Variants in NCBP3 observed in about 807,000 individuals in gnomAD.
NCBP3 encodes the protein nuclear cap-binding protein subunit 3.
NCBP3 carries 20 observed loss-of-function variants against 75.7 expected under a neutral mutation model. That is an observed-to-expected ratio of 0.26 (90% confidence interval 0.19 to 0.38). NCBP3 has a LOEUF of 0.38. Ranked by LOEUF, NCBP3 falls within the 10% of genes least tolerant of loss-of-function variation. NCBP3 has a pLI of 1.00. For synonymous variants in NCBP3, 293 were observed against 290.5 expected, an observed-to-expected ratio of 1.01 and a Z score of -0.09; for missense variants, 678 against 796.9, an observed-to-expected ratio of 0.85 and a Z score of 1.80.
rs1053447541 is a variant in NCBP3 at position 3,803,811 on chromosome 17, C to A, written c.*9233G>T. ...GGCAGGTGGGCCAGGCGCGGTGGCT[C>A]ACGCCTGTAATCCCAGCACTTTGGG... On this transcript the variant is annotated 3_prime_UTR_variant, in exon 13 of 13. Transcript: ENST00000389005. The A allele has an allele frequency of 1.3e-5, 2 of 152,112 alleles. No homozygotes were observed. The highest frequency in any genetic ancestry group is 2.9e-5 in the Non-Finnish European group (2 of 68,014). 9.4% of individuals were successfully genotyped at this position (152,112 alleles called of 1,614,324 possible).
At position 3,846,229 on chromosome 17, in the gene NCBP3, C is replaced by T. The variant is rs1271403103; in HGVS notation, c.-6G>A. ...AGGCCCCGTACGGCCGCCATCGCTG[C>T]CTGCCGGCCGCACCACTGAGAGCCC... On this transcript the variant is annotated 5_prime_UTR_variant, in exon 1 of 13. Transcript: ENST00000389005. The surrounding 1 kb of genome is among the most constrained non-coding windows in gnomAD (Gnocchi z 4.6). 2.1e-6 allele frequency: 3 copies of T among 1,422,640 alleles called. No homozygotes were observed. Among genetic ancestry groups the T allele is most frequent in the East Asian group, 2.9e-5 (1 of 33,964 alleles). 88.1% of individuals were successfully genotyped at this position (1,422,640 alleles called of 1,614,324 possible). A position where few individuals can be genotyped will look rare whatever the true frequency, so the allele number is the denominator to read the frequency against.
At position 3,819,746 on chromosome 17, in the gene NCBP3, A is replaced by G. The variant is rs546789835; in HGVS notation, c.1001-1174T>C. ...ATACAATAAACGAAAGAAGTAGAATATAAAGTACATGTTCCCAAGAGTTAT... is the reference window on the plus strand; with the variant it reads ...ATACAATAAACGAAAGAAGTAGAATGTAAAGTACATGTTCCCAAGAGTTAT... On this transcript the variant is annotated intron_variant, in intron 9 of 12. Transcript: ENST00000389005. Among the ~76,000 whole-genome samples, 7 of 152,326 alleles carry G rather than the reference A, an allele frequency of 4.6e-5. No homozygotes were observed. The South Asian group carries it at 1.0e-3, about 23-fold the overall frequency.
chr17:3,809,702 G>C lies in NCBP3; in HGVS notation c.*3342C>G, dbSNP rs942264363. ...GCCTGCACAACAAGAGCGAAACTGT[G>C]TCTCAAAAATAAATAATAGAAATAG... On this transcript the variant is annotated 3_prime_UTR_variant, in exon 13 of 13. Coordinates refer to ENST00000389005, the MANE Select transcript of NCBP3 (RefSeq NM_001114118.3). 1 of 152,026 alleles carries C rather than the reference G, an allele frequency of 6.6e-6. No individual in the cohort carries two copies. The highest frequency in any genetic ancestry group is 2.4e-5 in the African/African-American group (1 of 41,360). 9.4% of individuals were successfully genotyped at this position (152,026 alleles called of 1,614,324 possible).
chr17:3,829,161 A>G (rs912185802), intron 4 of NCBP3, 82 bp downstream of exon 4: 6 of 1,468,394 alleles, frequency 4.1e-6, no homozygotes, highest in Admixed American at 4.1e-5. Flanking sequence ...TATGGGCCAG[A>G]ACCATTCACC....
intron 10 of NCBP3, among the ~76,000 whole-genome samples, chr17:3,817,537 G>A (rs575896893): frequency 6.6e-6 from 1 of 152,144 alleles, no homozygotes; most frequent in East Asian, 1.9e-4. Context: ...GCTGAGGCAG[G>A]AGAATGGCGT....
chr17:3,814,602 A>G, intron 11 of NCBP3, 119 bp from the exon 12 acceptor site: 1 of 958,562 alleles, frequency 1.0e-6, no homozygotes, highest in Non-Finnish European at 1.5e-6. Context: ...AGGGCCTGAC[A>G]ATCAGGCTGC....
At chr17:3,820,643 T>C (rs779223814) in intron 9 of NCBP3, among the ~76,000 whole-genome samples, 4 of 152,170 alleles carry the variant, frequency 2.6e-5, no homozygotes, top group Admixed American at 6.5e-5. Context: ...ATTTCAAAAA[T>C]TGTTTTTGGC....
rs185752247 is a variant in NCBP3, at chr17:3,834,681, G to A, written c.356-5313C>T. Among the ~76,000 whole-genome samples, 684 of 152,214 alleles carry A rather than the reference G, an allele frequency of 4.5e-3. 3 individuals are homozygous for A. Among genetic ancestry groups the A allele is most frequent in the South Asian group, 9.3e-3 (45 of 4,814 alleles). ...TCCCAGTACTTTGGGAAGCTAAGGC[G>A]GGAGGATCACTTGAATCCAGAAGTT... On this transcript the variant is annotated intron_variant, in intron 3 of 12. Transcript: ENST00000389005.
Position 3,813,107 on chromosome 17 carries a change from G to A in NCBP3, c.1800C>T (p.Asn600=), listed in dbSNP as rs1327172930. Residue 600 remains asparagine (N), a synonymous_variant, in exon 13 of 13, where the codon AAC becomes AAT. Coordinates refer to ENST00000389005, the MANE Select transcript of NCBP3 (RefSeq NM_001114118.3). ...QSRQKKSRLD[N]LPSLQIEVSR... ...TAACTTCAATCTGGAGAGATGGTAAGTTATCTAACCGGCTCTTCTTTTGGC... is the reference window on the plus strand; with the variant it reads ...TAACTTCAATCTGGAGAGATGGTAAATTATCTAACCGGCTCTTCTTTTGGC... 1.2e-6 allele frequency: 2 copies of A among 1,614,256 alleles called. No individual in the cohort carries two copies. The highest frequency in any genetic ancestry group is 2.2e-5 in the East Asian group (1 of 44,892).
In NCBP3 at chr17:3,812,489, T is replaced by C; in HGVS notation, c.*555A>G. On this transcript the variant is annotated 3_prime_UTR_variant, in exon 13 of 13. Transcript: ENST00000389005. ...AGCACAGTCAATGCTGCAGCTCTTA[T>C]CTACCTGGGCGGCACTGGTGCACCT... is the stretch of plus-strand genomic sequence containing the variant. The C allele has an allele frequency of 1.0e-6, 1 of 990,048 alleles. No homozygotes were observed. Among genetic ancestry groups the C allele is most frequent in the Non-Finnish European group, 1.2e-6 (1 of 832,564 alleles). 61.3% of individuals were successfully genotyped at this position (990,048 alleles called of 1,614,324 possible). A position where few individuals can be genotyped will look rare whatever the true frequency, so the allele number is the denominator to read the frequency against.
At position 3,805,697 on chromosome 17, in the gene NCBP3, CTT is replaced by C. The variant is rs1183928502; in HGVS notation, c.*7345_*7346del. 1.3e-5 allele frequency: 2 copies of C among 152,408 alleles called. No homozygotes were observed. The highest frequency in any genetic ancestry group is 1.9e-4 in the East Asian group (1 of 5,188). The allele number at this position is 152,408 out of a possible 1,614,324, so 9.4% of individuals were successfully genotyped here. Reference sequence around the variant, plus strand: ...ACCAAGGGTCCAGGGGCTTGGATCTCTTGTTTACAAACCCCTACTTCTTTCCT... The same window carrying C: ...ACCAAGGGTCCAGGGGCTTGGATCTCGTTTACAAACCCCTACTTCTTTCCT... On this transcript the variant is annotated 3_prime_UTR_variant, in exon 13 of 13. Coordinates refer to ENST00000389005, the MANE Select transcript of NCBP3 (RefSeq NM_001114118.3).
At chr17:3,825,423 AT>A (rs2053766559) in intron 6 of NCBP3, among the ~76,000 whole-genome samples, 1 of 152,206 alleles carries the variant, frequency 6.6e-6, no homozygotes, top group Admixed American at 6.5e-5. Context: ...CTCAGTAAAT[AT>A]TTTTTAAATG....
At chr17:3,827,778 G>A (rs1406311427) in intron 4 of NCBP3, among the ~76,000 whole-genome samples, 1 of 152,146 alleles carries the variant, frequency 6.6e-6, no homozygotes, top group Non-Finnish European at 1.5e-5. Flanking sequence ...CAGTTTTAAT[G>A]ACTTAAATCA....
At chr17:3,815,442 G>C (rs141061916) in intron 11 of NCBP3, among the ~76,000 whole-genome samples, 2 of 152,140 alleles carry the variant, frequency 1.3e-5, no homozygotes, top group African/African-American at 4.8e-5. Flanking sequence ...TAGCAGGTAC[G>C]GCTAAAGACC....
intron 7 of NCBP3, chr17:3,824,483 A>G (rs567552486): frequency 6.4e-6 from 1 of 155,430 alleles, no homozygotes; most frequent in South Asian, 2.0e-4. Context: ...ACATACATAT[A>G]CATATATACA....
chr17:3,845,038 G>C (rs540375629), intron 1 of NCBP3, among the ~76,000 whole-genome samples: 1 of 152,336 alleles, frequency 6.6e-6, no homozygotes, highest in African/African-American at 2.4e-5. Context: ...TTGTTTTTGA[G>C]ATGGGGAGAG....
chr17:3,841,332 G>A (rs2054059421), intron 2 of NCBP3, among the ~76,000 whole-genome samples: 1 of 152,266 alleles, frequency 6.6e-6, no homozygotes, highest in South Asian at 2.1e-4. Flanking sequence ...ACTACAGAGA[G>A]CTTGTGGGGA....
rs1445618030 is a variant in NCBP3 at position 3,812,888 on chromosome 17, ATTC to A, written c.*153_*155del. 2.8e-6 allele frequency: 4 copies of A among 1,447,118 alleles called. No individual in the cohort carries two copies. Among genetic ancestry groups the A allele is most frequent in the Non-Finnish European group, 3.6e-6 (4 of 1,103,888 alleles). The allele number at this position is 1,447,118 out of a possible 1,614,324, so 89.6% of individuals were successfully genotyped here. On this transcript the variant is annotated 3_prime_UTR_variant, in exon 13 of 13. Transcript: ENST00000389005. Reference sequence around the variant, plus strand: ...AGAGATGCCCTTGAAAATGTGTCACATTCTTAAGATGTCTTGCCGAAGTAGCAA... The same window carrying A: ...AGAGATGCCCTTGAAAATGTGTCACATTAAGATGTCTTGCCGAAGTAGCAA...
rs1022453085 is a variant in NCBP3 at position 3,814,495 on chromosome 17, G to T, written c.1466-12C>A. The T allele has an allele frequency of 6.2e-7, 1 of 1,613,350 alleles. No homozygotes were observed. Among genetic ancestry groups the T allele is most frequent in the Non-Finnish European group, 8.5e-7 (1 of 1,179,838 alleles). ...CCGCTGGCGTATATCTGAAAAAAGAGAAAAAGTGCACCAGTGACCGTGTGT... is the reference window on the plus strand; with the variant it reads ...CCGCTGGCGTATATCTGAAAAAAGATAAAAAGTGCACCAGTGACCGTGTGT... On this transcript the variant is annotated splice_polypyrimidine_tract_variant and intron_variant, in intron 11 of 12. Transcript: ENST00000389005.
Sources: gnomAD v4.1 joint callset for allele counts (sites outside exome capture counted in the v4.1 genomes callset) on GRCh38, gnomAD v4.1.1 for gene constraint, Gnocchi (gnomAD v3.1) non-coding constraint, MANE v1.5 for transcripts, NCBI Gene and HGNC (gene_info 2026-07-23, HGNC 2026-07-21) for gene names.